The following WDR70 variants were observed in gnomAD, a reference collection of about 807,000 sequenced individuals.
WDR70 encodes the protein WD repeat domain 70, also known as WD repeat-containing protein 70.
Under a neutral mutation model 88.6 loss-of-function variants are expected in WDR70, and 53 were observed. The ratio of observed to expected loss-of-function variants is 0.60; its 90% confidence interval spans 0.48 to 0.75. The LOEUF (loss-of-function observed/expected upper bound fraction) is 0.75. Among genes scored for constraint, WDR70 ranks in the 30% least tolerant of loss-of-function variants. The pLI is 0.00. For missense variants in WDR70, 610 were observed against 823.2 expected, an observed-to-expected ratio of 0.74 and a Z score of 3.17; for synonymous variants, 280 against 270.0, an observed-to-expected ratio of 1.04 and a Z score of -0.36.
At position 37,475,001 on chromosome 5, in the gene WDR70, C is replaced by G. The variant is rs1374265660; in HGVS notation, c.687-4833C>G. Among the ~76,000 whole-genome samples the G allele has an allele frequency of 2.0e-5, 3 of 150,872 alleles. No homozygotes were observed. The South Asian group carries it at 6.3e-4, about 32-fold the overall frequency. On this transcript the variant is annotated intron_variant, in intron 7 of 17. Transcript: ENST00000265107. The stretch of plus-strand genomic sequence containing the variant: ...TGGCATGATCTCAGCTCACCGCAAT[C>G]TGCACCTCTCAGATTCCAGTGATTT...
At chr5:37,742,444 ATTG>A (rs888607535) in intron 17 of WDR70, among the ~76,000 whole-genome samples, 12 of 151,680 alleles carry the variant, frequency 7.9e-5, no homozygotes, top group Non-Finnish European at 1.6e-4. Context: ...AAATTTTTTT[ATTG>A]TTGTTGTTGT....
chr5:37,661,558 T>C (rs966587220), intron 10 of WDR70, among the ~76,000 whole-genome samples: 3 of 152,182 alleles, frequency 2.0e-5, no homozygotes, highest in African/African-American at 7.2e-5. Context: ...GGAGTTTTAT[T>C]ATTACTCAAA....
At chr5:37,475,225 C>G (rs768236522) in intron 7 of WDR70, among the ~76,000 whole-genome samples, 1 of 146,730 alleles carries the variant, frequency 6.8e-6, no homozygotes, top group Non-Finnish European at 1.5e-5. Context: ...CATCCTTGTT[C>G]CTTGATTTTT....
intron 10 of WDR70, among the ~76,000 whole-genome samples, chr5:37,675,982 T>C (rs1230434371): frequency 5.9e-5 from 9 of 151,492 alleles, no homozygotes; most frequent in Non-Finnish European, 1.3e-4. Context: ...AGGTATTTTA[T>C]TCTCTTTGAA....
intron 9 of WDR70, among the ~76,000 whole-genome samples, chr5:37,574,161 T>C (rs1255398212): frequency 1.3e-5 from 2 of 152,138 alleles, no homozygotes; most frequent in African/African-American, 4.8e-5. Flanking sequence ...CACTGGGACC[T>C]CTGGAGCAAA....
At chr5:37,438,040 G>T in intron 6 of WDR70, 59 bp downstream of exon 6, 1 of 1,416,664 alleles carries the variant, frequency 7.1e-7, no homozygotes, top group South Asian at 1.2e-5. Flanking sequence ...ATGGAAAAGT[G>T]AACTGATAAG....
At chr5:37,695,051 A>G (rs1746942134) in intron 10 of WDR70, among the ~76,000 whole-genome samples, 1 of 152,184 alleles carries the variant, frequency 6.6e-6, no homozygotes, top group Non-Finnish European at 1.5e-5. Flanking sequence ...TGCAGGCTAT[A>G]CAGGAAGCAT....
intron 8 of WDR70, among the ~76,000 whole-genome samples, chr5:37,484,946 C>A (rs983854367): frequency 3.3e-5 from 5 of 152,162 alleles, no homozygotes; most frequent in African/African-American, 1.2e-4. Flanking sequence ...AAAGCACATA[C>A]CTTGTCCATG....
intron 15 of WDR70, 75 bp downstream of exon 15, chr5:37,723,009 GA>G (rs1747868232): frequency 6.5e-7 from 1 of 1,549,402 alleles, no homozygotes; most frequent in Admixed American, 1.7e-5. Flanking sequence ...TAGCTTTAGA[GA>G]CAGAGAAAGC....
intron 10 of WDR70, among the ~76,000 whole-genome samples, chr5:37,687,031 C>T (rs572048152): frequency 4.0e-5 from 6 of 151,800 alleles, no homozygotes; most frequent in African/African-American, 7.3e-5. Context: ...TCCTAAAGAA[C>T]GATATTCTTT....
At chr5:37,521,740 ACC>A (rs1554146348) in intron 9 of WDR70, among the ~76,000 whole-genome samples, 6 of 131,274 alleles carry the variant, frequency 4.6e-5, no homozygotes, top group East Asian at 2.4e-4. Flanking sequence ...ACACACACAC[ACC>A]CACATGTTCT....
In WDR70 at chr5:37,721,183, T is replaced by C. The variant is rs767405312; in HGVS notation, c.1485T>C (p.Ala495=). 1 of 1,613,732 alleles carries C rather than the reference T, an allele frequency of 6.2e-7. No individual in the cohort carries two copies. Among genetic ancestry groups the C allele is most frequent in the South Asian group, 1.1e-5 (1 of 91,076 alleles). The part of the protein sequence containing the change: ...QIMVGTGNGL[A]KVYYDPNKSQ... ...TGGTTGGAACTGGAAATGGATTGGCTAAAGTCTATTACGACCCCAACAAGA... is the reference window on the plus strand; with the variant it reads ...TGGTTGGAACTGGAAATGGATTGGCCAAAGTCTATTACGACCCCAACAAGA... Residue 495 remains alanine, a synonymous_variant, in exon 14 of 18, where the codon GCT becomes GCC. Transcript: ENST00000265107.
intron 5 of WDR70, among the ~76,000 whole-genome samples, chr5:37,425,440 A>T (rs966847076): frequency 1.3e-5 from 2 of 152,140 alleles, no homozygotes; most frequent in African/African-American, 4.8e-5. Flanking sequence ...GAGATTAGGA[A>T]GTTGACCATG....
chr5:37,384,660 CAAAAAAAAAAA>C (rs70978807), intron 3 of WDR70, among the ~76,000 whole-genome samples: 12 of 59,476 alleles, frequency 2.0e-4, no homozygotes, highest in African/African-American at 8.2e-4. Flanking sequence ...ACTCTTGTCT[CAAAAAAAAAAA>C]AAAAAAAAAA....
chr5:37,731,964 C>A lies in WDR70; in HGVS notation c.1877+4919C>A, dbSNP rs1748157686. On this transcript the variant is annotated intron_variant, in intron 17 of 17. Coordinates refer to ENST00000265107, the MANE Select transcript of WDR70 (RefSeq NM_018034.4). The stretch of plus-strand genomic sequence containing the variant: ...ACCAGGAGCCTGGCCTTAGAATTTC[C>A]AGGTTATTGTTCTGACATCTAATAA... Among the ~76,000 whole-genome samples the A allele has an allele frequency of 2.6e-5, 4 of 150,950 alleles. No homozygotes were observed. In the South Asian group the frequency reaches 8.6e-4, roughly 32 times the overall value.
intron 10 of WDR70, among the ~76,000 whole-genome samples, chr5:37,670,459 C>T (rs1745993656): frequency 6.6e-6 from 1 of 152,146 alleles, no homozygotes; most frequent in Admixed American, 6.5e-5. Context: ...TATAGAGAAA[C>T]AGATGCCACA....
chr5:37,708,342 G>A (rs1376457017), intron 13 of WDR70, among the ~76,000 whole-genome samples: 1 of 151,684 alleles, frequency 6.6e-6, no homozygotes, highest in East Asian at 1.9e-4. Flanking sequence ...AGTATATATT[G>A]TGGAAATGAA....
At position 37,701,289 on chromosome 5, in the gene WDR70, T is replaced by G. The variant is rs765885999; in HGVS notation, c.1277+147T>G. 3 of 563,862 alleles carry G rather than the reference T, an allele frequency of 5.3e-6. No individual in the cohort carries two copies. The East Asian group carries it at 9.2e-5, about 17-fold the overall frequency. 34.9% of individuals were successfully genotyped at this position (563,862 alleles called of 1,614,324 possible). On this transcript the variant is annotated intron_variant, in intron 12 of 17. Coordinates refer to ENST00000265107, the MANE Select transcript of WDR70 (RefSeq NM_018034.4). ...ATCAAAATCTGTTTTTTGAAAAATA[T>G]GTATTTTTTTTATTTTTCACATTCC...
intron 9 of WDR70, among the ~76,000 whole-genome samples, chr5:37,528,042 T>C (rs1242175286): frequency 6.6e-6 from 1 of 152,204 alleles, no homozygotes; most frequent in East Asian, 1.9e-4. Context: ...GACTGTAAAC[T>C]AGGTCAACCA....
Sources: gnomAD v4.1 joint callset for allele counts (sites outside exome capture counted in the v4.1 genomes callset) on GRCh38, gnomAD v4.1.1 for gene constraint, MANE v1.5 for transcripts, NCBI Gene and HGNC (gene_info 2026-07-23, HGNC 2026-07-21) for gene names.